Variants in METAP1 observed in about 807,000 individuals in gnomAD.
The protein encoded by METAP1 is methionyl aminopeptidase 1.
Under a neutral mutation model 53.8 loss-of-function variants are expected in METAP1, and 28 were observed. That is an observed-to-expected ratio of 0.52 (90% CI 0.39 to 0.71). The LOEUF (loss-of-function observed/expected upper bound fraction) is 0.71. Among genes scored for constraint, METAP1 ranks in the 30% least tolerant of loss-of-function variants. METAP1 has a pLI of 0.00. For missense variants in METAP1, 389 were observed against 479.8 expected (o/e 0.81, Z 1.77); for synonymous variants, 181 against 165.7 (o/e 1.09, Z -0.71).
chr4:99,013,960 T>C (rs927727992), intron 1 of METAP1, among the ~76,000 whole-genome samples: 3 of 152,238 alleles, frequency 2.0e-5, no homozygotes, highest in South Asian at 2.1e-4. Flanking sequence ...CAAACTTGTC[T>C]AGCAAGTCTC....
intron 10 of METAP1, among the ~76,000 whole-genome samples, chr4:99,058,154 A>C (rs1163741035): frequency 6.6e-6 from 1 of 152,156 alleles, no homozygotes; most frequent in Non-Finnish European, 1.5e-5. Context: ...AGGGAAGAGG[A>C]GGGAACAGAG....
chr4:99,031,660 A>T (rs1049592327), intron 2 of METAP1: 1 of 1,076,416 alleles, frequency 9.3e-7, no homozygotes, highest in African/African-American at 1.6e-5. Flanking sequence ...TGTACCATGC[A>T]TAGTAAGTAC....
At chr4:99,040,634 G>T (rs1303026937) in intron 5 of METAP1, among the ~76,000 whole-genome samples, 2 of 149,514 alleles carry the variant, frequency 1.3e-5, no homozygotes, top group African/African-American at 2.4e-5. Flanking sequence ...GGGATCACAG[G>T]CATGTGCCAC....
At position 99,025,456 on chromosome 4, in the gene METAP1, G is replaced by A. The variant is rs952268930; in HGVS notation, c.115-3411G>A. On this transcript the variant is annotated intron_variant, in intron 1 of 10. Transcript: ENST00000296411. ...GATTCACAGTACTGGAAATAAATAA[G>A]AATTACCTACATAGCAAATTCCCAG... The A allele has an allele frequency of 3.8e-5, 37 of 984,842 alleles. No homozygotes were observed. The African/African-American group carries it at 4.7e-4, about 13-fold the overall frequency. The allele number at this position is 984,842 out of a possible 1,614,324, so 61.0% of individuals were successfully genotyped here. A position where few individuals can be genotyped will look rare whatever the true frequency, so the allele number is the denominator to read the frequency against.
At chr4:99,052,618 C>T (rs139802288) in intron 9 of METAP1, among the ~76,000 whole-genome samples, 1 of 152,252 alleles carries the variant, frequency 6.6e-6, no homozygotes, top group African/African-American at 2.4e-5. Flanking sequence ...GAGAACTCTG[C>T]GCCCAGGATC....
chr4:99,033,917 T>C (rs1011843235), intron 2 of METAP1, among the ~76,000 whole-genome samples: 1 of 152,216 alleles, frequency 6.6e-6, no homozygotes, highest in African/African-American at 2.4e-5. Flanking sequence ...AGAATACATT[T>C]AGAAAAGCTG....
intron 10 of METAP1, among the ~76,000 whole-genome samples, chr4:99,059,886 G>C (rs1006684152): frequency 1.3e-5 from 2 of 152,010 alleles, no homozygotes; most frequent in African/African-American, 4.8e-5. Flanking sequence ...CCCTCTTTCT[G>C]ATTCCAGGGG....
chr4:98,997,166 A>T (rs1722674973), intron 1 of METAP1, among the ~76,000 whole-genome samples: 1 of 152,266 alleles, frequency 6.6e-6, no homozygotes, highest in African/African-American at 2.4e-5. Context: ...ACACAATACA[A>T]ATAATAAAAG....
intron 1 of METAP1, chr4:99,005,858 A>G: frequency 2.6e-6 from 1 of 379,040 alleles, no homozygotes; most frequent in Non-Finnish European, 5.1e-6. Flanking sequence ...TACAAGTAGG[A>G]GCTAAGCTGT....
At chr4:98,996,191 G>C (rs2110265464) in intron 1 of METAP1, among the ~76,000 whole-genome samples, 1 of 152,238 alleles carries the variant, frequency 6.6e-6, no homozygotes, top group Non-Finnish European at 1.5e-5. Flanking sequence ...GCGCTGGGGC[G>C]GGGGCCGCCA....
chr4:99,000,893 C>CG (rs1722891763), intron 1 of METAP1, among the ~76,000 whole-genome samples: 1 of 151,952 alleles, frequency 6.6e-6, no homozygotes, highest in Non-Finnish European at 1.5e-5. Context: ...TTGGTAGAGA[C>CG]GGGGTTTCAC....
Position 99,028,888 on chromosome 4 carries a change from G to GC in METAP1, c.137dup (p.Thr47TyrfsTer7). On this transcript the variant is annotated frameshift_variant, in exon 2 of 11. Coordinates refer to ENST00000296411, the MANE Select transcript of METAP1 (RefSeq NM_015143.3). LOFTEE classifies it high-confidence loss of function. ...TTAGGAATGTTTTAAAGGAAGTTGG[G>GC]CTACTCACAAGTTACTACATAAGAA... The GC allele has an allele frequency of 3.9e-6, 6 of 1,545,016 alleles. No individual in the cohort carries two copies. The highest frequency in any genetic ancestry group is 4.4e-6 in the Non-Finnish European group (5 of 1,142,992).
chr4:99,016,006 G>A (rs1213413794), intron 1 of METAP1, among the ~76,000 whole-genome samples: 1 of 152,096 alleles, frequency 6.6e-6, no homozygotes, highest in East Asian at 1.9e-4. Context: ...CTGCGGTTTC[G>A]ATGGTCAATA....
chr4:99,039,616 CAG>C (rs1725702119), intron 5 of METAP1, among the ~76,000 whole-genome samples, 151 bp downstream of exon 5: 1 of 148,828 alleles, frequency 6.7e-6, no homozygotes, highest in Non-Finnish European at 1.5e-5. Flanking sequence ...TTTTTTGAGA[CAG>C]AGTTTCACTC....
chr4:99,033,371 C>G (rs184866265), intron 2 of METAP1, among the ~76,000 whole-genome samples: 40 of 151,940 alleles, frequency 2.6e-4, no homozygotes, highest in African/African-American at 8.0e-4. Flanking sequence ...TAGGCCAATA[C>G]TTGGTCTACG....
chr4:99,056,569 C>CTTGT (rs537875154), intron 9 of METAP1, among the ~76,000 whole-genome samples: 1 of 151,492 alleles, frequency 6.6e-6, no homozygotes, highest in Non-Finnish European at 1.5e-5. Flanking sequence ...TTTTTGTTTG[C>CTTGT]TTGTTTGTTT....
chr4:99,058,924 AAAGACTGCACAAAT>A (rs1727338853), intron 10 of METAP1, among the ~76,000 whole-genome samples: 1 of 152,254 alleles, frequency 6.6e-6, no homozygotes, highest in Non-Finnish European at 1.5e-5. Context: ...ATATACTTTA[AAAGACTGCACAAAT>A]GTGCAGTAAA....
chr4:99,035,606 A>G, intron 4 of METAP1, 146 bp downstream of exon 4: 1 of 600,752 alleles, frequency 1.7e-6, no homozygotes, highest in Non-Finnish European at 2.9e-6. Flanking sequence ...CATTGAAGAG[A>G]ATTAAAGATT....
intron 1 of METAP1, among the ~76,000 whole-genome samples, chr4:99,004,337 A>C (rs1723061927): frequency 3.9e-5 from 6 of 152,086 alleles, no homozygotes; most frequent in Admixed American, 3.9e-4. Flanking sequence ...AAAGGAAGAG[A>C]GCAGGAGAAG....
Sources: allele counts gnomAD v4.1 joint callset (sites outside exome capture counted in the v4.1 genomes callset), GRCh38; gene constraint gnomAD v4.1.1; transcripts MANE v1.5; gene names NCBI Gene and HGNC (gene_info 2026-07-23, HGNC 2026-07-21).